PXYLP1: variants seen among roughly 807,000 people sequenced by gnomAD.
PXYLP1 encodes the protein acid phosphatase-like 2.
In PXYLP1, 17 loss-of-function variants were observed where a neutral mutation model predicts 37.9. The observed-to-expected ratio is 0.45, with a 90% CI of 0.31 to 0.67. PXYLP1 has a LOEUF of 0.67. Among genes scored for constraint, PXYLP1 ranks in the 30% least tolerant of loss-of-function variants. PXYLP1 has a pLI of 0.07. For synonymous variants in PXYLP1, 221 were observed against 232.2 expected (o/e 0.95, Z 0.44); for missense variants, 511 against 612.0 (o/e 0.84, Z 1.74).
intron 2 of PXYLP1, among the ~76,000 whole-genome samples, chr3:141,269,670 C>G (rs1941614482): frequency 6.6e-6 from 1 of 152,180 alleles, no homozygotes; most frequent in Admixed American, 6.5e-5. Flanking sequence ...AGATGAGGAT[C>G]AATCGTTTTC....
rs113035305 is a variant in PXYLP1 at position 141,248,826 on chromosome 3, T to C, written c.-53-11297T>C. Among the ~76,000 whole-genome samples the C allele has an allele frequency of 3.2e-3, 233 of 72,800 alleles. 50 individuals carry two copies. The highest frequency in any genetic ancestry group is 0.018 in the African/African-American group (209 of 11,506). The allele number at this position is 72,800 out of a possible 152,430, so 47.8% of individuals were successfully genotyped here. On this transcript the variant is annotated intron_variant, in intron 1 of 5. Coordinates refer to ENST00000286353, the MANE Select transcript of PXYLP1 (RefSeq NM_001037172.3). ...GTGTATATATACACACGTATATATA[T>C]ACACACACGTGTATATATACACACG...
intron 1 of PXYLP1, among the ~76,000 whole-genome samples, chr3:141,239,057 T>A (rs1434365925): frequency 6.6e-5 from 5 of 76,126 alleles, no homozygotes; most frequent in Admixed American, 1.4e-4. Context: ...TTAAATGAAG[T>A]TTTGTCTTAA....
chr3:141,278,023 G>A (rs890135973), intron 2 of PXYLP1, among the ~76,000 whole-genome samples: 1 of 152,228 alleles, frequency 6.6e-6, no homozygotes, highest in African/African-American at 2.4e-5. Context: ...AAGGGCATTA[G>A]GAAGAGGTAA....
At position 141,278,299 on chromosome 3, in the gene PXYLP1, GCC is replaced by G. The variant is rs1257429037; in HGVS notation, c.80-40_80-39del. On this transcript the variant is annotated intron_variant, in intron 2 of 5. Transcript: ENST00000286353. Reference sequence around the variant, plus strand: ...CGCTGGGCCTTGCAGCTGGCCTGGCGCCCCAGGAACTGTGCGTCACAACCTGC... The same window carrying G: ...CGCTGGGCCTTGCAGCTGGCCTGGCGCCAGGAACTGTGCGTCACAACCTGC... The G allele has an allele frequency of 6.2e-6, 10 of 1,609,594 alleles. No homozygotes were observed. The Admixed American group carries it at 1.0e-4, about 16-fold the overall frequency.
At chr3:141,243,851 C>T (rs1940874548) in intron 1 of PXYLP1, among the ~76,000 whole-genome samples, 1 of 152,218 alleles carries the variant, frequency 6.6e-6, no homozygotes, top group South Asian at 2.1e-4. Flanking sequence ...CCACTGGTCT[C>T]TATAATTTAT....
At chr3:141,253,693 A>T (rs1029942154) in intron 1 of PXYLP1, among the ~76,000 whole-genome samples, 3 of 12,816 alleles carry the variant, frequency 2.3e-4, no homozygotes, top group African/African-American at 3.8e-4. Context: ...AAACTTTTCT[A>T]AAAAAAAAAA....
intron 4 of PXYLP1, among the ~76,000 whole-genome samples, chr3:141,282,242 C>T (rs73869562): frequency 0.021 from 3,222 of 152,316 alleles, 123 homozygotes; most frequent in African/African-American, 0.073. Context: ...GCACTGTATG[C>T]TGCCTCAGGG....
chr3:141,282,356 C>T (rs986305709), intron 4 of PXYLP1, among the ~76,000 whole-genome samples: 4 of 152,168 alleles, frequency 2.6e-5, no homozygotes, highest in African/African-American at 9.7e-5. Flanking sequence ...GTCACCTTCT[C>T]AATAAAACCT....
At chr3:141,288,620 A>C (rs1942129274) in intron 5 of PXYLP1, among the ~76,000 whole-genome samples, 1 of 152,206 alleles carries the variant, frequency 6.6e-6, no homozygotes, top group Non-Finnish European at 1.5e-5. Context: ...CCAGCCAGGC[A>C]TGGTGCCTCA....
rs549901742 is a variant in PXYLP1, at chr3:141,235,904, C to T, written c.-54+3993C>T. Among the ~76,000 whole-genome samples, 153 of 152,330 alleles carry T rather than the reference C, an allele frequency of 1.0e-3. 1 individual carries two copies. Among genetic ancestry groups the T allele is most frequent in the African/African-American group, 3.5e-3 (147 of 41,588 alleles). ...CTCAAAACCAGCAGGCTTCTCTGAC[C>T]CTTTTTGGACTTTGGCTGGGGAAGC... On this transcript the variant is annotated intron_variant, in intron 1 of 5. Transcript: ENST00000286353.
intron 2 of PXYLP1, chr3:141,274,130 G>C (rs1328196364): frequency 5.0e-6 from 5 of 1,001,734 alleles, no homozygotes; most frequent in Non-Finnish European, 6.0e-6. Flanking sequence ...GCTGGGAGGA[G>C]CAGTGTCCTG....
intron 2 of PXYLP1, among the ~76,000 whole-genome samples, chr3:141,264,734 C>T (rs1056363217): frequency 3.9e-5 from 6 of 152,178 alleles, no homozygotes; most frequent in Non-Finnish European, 8.8e-5. Flanking sequence ...CCTTGTCCTG[C>T]CACTTACCAG....
intron 3 of PXYLP1, among the ~76,000 whole-genome samples, chr3:141,278,742 G>A (rs73232960): frequency 0.049 from 7,524 of 152,230 alleles, 238 homozygotes; most frequent in South Asian, 0.1. Flanking sequence ...CGTGGCTCAC[G>A]ATCAACCCAC....
At chr3:141,248,965 C>T (rs1053270911) in intron 1 of PXYLP1, among the ~76,000 whole-genome samples, 1 of 151,674 alleles carries the variant, frequency 6.6e-6, no homozygotes, top group East Asian at 1.9e-4. Flanking sequence ...ATCCTTGGAT[C>T]TCAGCACGTG....
chr3:141,269,539 T>C (rs1484444368), intron 2 of PXYLP1, among the ~76,000 whole-genome samples: 3 of 152,168 alleles, frequency 2.0e-5, no homozygotes, highest in African/African-American at 4.8e-5. Flanking sequence ...AAAACCTGTT[T>C]CCAGGTACTT....
intron 2 of PXYLP1, among the ~76,000 whole-genome samples, chr3:141,268,198 AGAGAGAGAGTGT>A (rs745310386): frequency 0.079 from 3,492 of 43,928 alleles, 35 homozygotes; most frequent in Middle Eastern, 0.12. Flanking sequence ...AGAGAGAGAG[AGAGAGAGAGTGT>A]GTGTGTGTGT....
At chr3:141,232,498 C>T (rs1447570080) in intron 1 of PXYLP1, 27 of 152,344 alleles carry the variant, frequency 1.8e-4, no homozygotes, top group Admixed American at 1.8e-3. Context: ...TCTTGGCAGC[C>T]ACCTGCAGCC....
chr3:141,280,667 G>A (rs767645335), intron 4 of PXYLP1, among the ~76,000 whole-genome samples: 5 of 152,154 alleles, frequency 3.3e-5, no homozygotes, highest in African/African-American at 4.8e-5. Context: ...CCGGTGAAGG[G>A]GACCCTCTCT....
intron 5 of PXYLP1, 122 bp downstream of exon 5, chr3:141,287,575 T>C: frequency 8.6e-7 from 1 of 1,157,404 alleles, no homozygotes; most frequent in Non-Finnish European, 1.1e-6. Context: ...GGACTGGCTC[T>C]GCAAGGAGCT....
Sources: gnomAD v4.1 joint callset for allele counts (sites outside exome capture counted in the v4.1 genomes callset) on GRCh38, gnomAD v4.1.1 for gene constraint, MANE v1.5 for transcripts, NCBI Gene and HGNC (gene_info 2026-07-23, HGNC 2026-07-21) for gene names.